Variants in FBXW7 observed in about 807,000 individuals in gnomAD.
FBXW7 encodes the protein F-box/WD repeat-containing protein 7.
Under a neutral mutation model 86.3 loss-of-function variants are expected in FBXW7, and 11 were observed. The ratio of observed to expected loss-of-function variants is 0.13; its 90% CI spans 0.08 to 0.21. The LOEUF is 0.21. Ranked by LOEUF, FBXW7 falls within the 10% of genes least tolerant of loss-of-function variation. The pLI, the probability that FBXW7 is intolerant of heterozygous loss-of-function variation, is 1.00. For synonymous variants in FBXW7, 313 were observed against 297.9 expected (o/e 1.05, Z -0.52); for missense variants, 488 against 847.4 (o/e 0.58, Z 5.27).
At chr4:152,481,704 A>G (rs1744895555) in intron 2 of FBXW7, among the ~76,000 whole-genome samples, 1 of 152,226 alleles carries the variant, frequency 6.6e-6, no homozygotes. Flanking sequence ...GGATGTGAGG[A>G]GCTCAAGACT....
intron 4 of FBXW7, among the ~76,000 whole-genome samples, chr4:152,364,264 A>G (rs940130832): frequency 5.3e-5 from 8 of 152,152 alleles, no homozygotes; most frequent in Admixed American, 3.9e-4. Flanking sequence ...CCTTTTCCCA[A>G]ACCCTCTCAG....
At chr4:152,396,300 C>T (rs1006368028) in intron 4 of FBXW7, among the ~76,000 whole-genome samples, 1 of 151,970 alleles carries the variant, frequency 6.6e-6, no homozygotes, top group African/African-American at 2.4e-5. Context: ...TGCCCCCTCC[C>T]ATTAACCCTT....
chr4:152,404,978 G>A (rs1041994850), intron 4 of FBXW7, among the ~76,000 whole-genome samples: 6 of 151,376 alleles, frequency 4.0e-5, no homozygotes, highest in Non-Finnish European at 5.9e-5. Context: ...AGTGGTCCCA[G>A]TTACTCGGGA....
chr4:152,495,573 G>A lies in FBXW7; in HGVS notation c.-120+39368C>T, dbSNP rs1453828902. ...ATATATTAGGCTACAAGTTGGCAAT[G>A]TTTCTTCCCTACAATGGGTTGCTAG... On this transcript the variant is annotated intron_variant, in intron 2 of 13. Coordinates refer to ENST00000281708, the MANE Select transcript of FBXW7 (RefSeq NM_001349798.2). Among the ~76,000 whole-genome samples, 4 of 152,296 alleles carry A rather than the reference G, an allele frequency of 2.6e-5. No individual in the cohort carries two copies. The South Asian group carries it at 6.2e-4, about 24-fold the overall frequency.
chr4:152,453,891 A>G (rs1742149031), intron 2 of FBXW7, among the ~76,000 whole-genome samples: 1 of 152,182 alleles, frequency 6.6e-6, no homozygotes, highest in Non-Finnish European at 1.5e-5. Flanking sequence ...ACTGTCACCT[A>G]TATTTAACAG....
At chr4:152,372,041 T>TA (rs939450615) in intron 4 of FBXW7, among the ~76,000 whole-genome samples, 4 of 151,882 alleles carry the variant, frequency 2.6e-5, no homozygotes, top group Non-Finnish European at 4.4e-5. Context: ...CTGGGACAAT[T>TA]AAAAAAAATG....
chr4:152,440,370 C>T (rs1740778496), intron 2 of FBXW7, among the ~76,000 whole-genome samples: 1 of 152,110 alleles, frequency 6.6e-6, no homozygotes, highest in Non-Finnish European at 1.5e-5. Flanking sequence ...CATACTGTCC[C>T]TGGTTAGAGA....
chr4:152,423,131 T>C (rs553657533), intron 2 of FBXW7, among the ~76,000 whole-genome samples: 38 of 152,224 alleles, frequency 2.5e-4, no homozygotes, highest in Non-Finnish European at 5.0e-4. Context: ...TCATCTAGCA[T>C]CTGGTTTCCT....
chr4:152,486,662 G>A (rs748149804), intron 2 of FBXW7, among the ~76,000 whole-genome samples: 63 of 151,600 alleles, frequency 4.2e-4, no homozygotes, highest in South Asian at 8.3e-4. Context: ...TCTGGAGTAC[G>A]TCCTGAAGGA....
chr4:152,341,119 C>T (rs982056611), intron 6 of FBXW7, among the ~76,000 whole-genome samples: 1 of 152,190 alleles, frequency 6.6e-6, no homozygotes, highest in Admixed American at 6.5e-5. Flanking sequence ...TTCGGCTCTT[C>T]GTTCTATTCT....
chr4:152,426,701 T>C (rs1739419881), intron 2 of FBXW7, among the ~76,000 whole-genome samples: 1 of 152,076 alleles, frequency 6.6e-6, no homozygotes, highest in Non-Finnish European at 1.5e-5. Context: ...GTTTGCCCAC[T>C]CGGATAACAG....
chr4:152,347,392 A>C (rs1224668512), intron 5 of FBXW7, among the ~76,000 whole-genome samples: 2 of 152,208 alleles, frequency 1.3e-5, no homozygotes, highest in Non-Finnish European at 2.9e-5. Context: ...TCCTTAGAAC[A>C]TACAAGTCCC....
At chr4:152,467,702 C>T (rs7682964) in intron 2 of FBXW7, among the ~76,000 whole-genome samples, 3 of 152,128 alleles carry the variant, frequency 2.0e-5, no homozygotes, top group Admixed American at 6.5e-5. Flanking sequence ...AATGCTTTTT[C>T]GTAGTCCTAT....
intron 4 of FBXW7, among the ~76,000 whole-genome samples, chr4:152,398,724 A>G (rs1736645984): frequency 6.6e-6 from 1 of 152,022 alleles, no homozygotes; most frequent in Non-Finnish European, 1.5e-5. Flanking sequence ...TTTTTATCAT[A>G]TTAATTTATA....
intron 4 of FBXW7, among the ~76,000 whole-genome samples, chr4:152,374,241 T>C (rs1734274007): frequency 6.6e-6 from 1 of 152,052 alleles, no homozygotes; most frequent in African/African-American, 2.4e-5. Flanking sequence ...CACCCTATTC[T>C]TTCTTCTCTT....
intron 2 of FBXW7, among the ~76,000 whole-genome samples, chr4:152,436,745 A>G (rs1302740008): frequency 1.3e-5 from 2 of 152,118 alleles, no homozygotes; most frequent in African/African-American, 2.4e-5. Context: ...CTTAAGAATT[A>G]GGCTAAATAT....
At chr4:152,397,361 G>T (rs1374999433) in intron 4 of FBXW7, among the ~76,000 whole-genome samples, 1 of 151,806 alleles carries the variant, frequency 6.6e-6, no homozygotes, top group Non-Finnish European at 1.5e-5. Context: ...CAGCCCATAG[G>T]TCATATGTAG....
intron 3 of FBXW7, 149 bp downstream of exon 3, chr4:152,412,331 C>A (rs919917115): frequency 6.6e-6 from 1 of 151,944 alleles, no homozygotes; most frequent in African/African-American, 2.4e-5. Context: ...TGGGTATTTC[C>A]CAAACTTTTC....
chr4:152,376,463 C>T (rs1734527201), intron 4 of FBXW7, among the ~76,000 whole-genome samples: 1 of 152,128 alleles, frequency 6.6e-6, no homozygotes, highest in Non-Finnish European at 1.5e-5. Flanking sequence ...AAAGTTCTAA[C>T]AAACCCAACA....
Sources: allele counts gnomAD v4.1 joint callset (sites outside exome capture counted in the v4.1 genomes callset), GRCh38; gene constraint gnomAD v4.1.1; transcripts MANE v1.5; gene names NCBI Gene and HGNC (gene_info 2026-07-23, HGNC 2026-07-21).